MIOS: variants seen among roughly 807,000 people sequenced by gnomAD.
MIOS encodes GATOR2 complex protein MIOS.
In MIOS, 52 loss-of-function variants were observed where a neutral mutation model predicts 96.9. The ratio of observed to expected loss-of-function variants is 0.54; its 90% CI spans 0.43 to 0.68. The LOEUF (loss-of-function observed/expected upper bound fraction) is 0.68. MIOS is among the 30% of genes least tolerant of loss of function. The pLI is 0.00. For synonymous variants in MIOS, 397 were observed against 359.5 expected (o/e 1.10, Z -1.18); for missense variants, 1,005 against 1,052.8 (o/e 0.95, Z 0.63).
At chr7:7,598,925 A>G (rs1353949730) in intron 11 of MIOS, among the ~76,000 whole-genome samples, 2 of 152,056 alleles carry the variant, frequency 1.3e-5, no homozygotes, top group Non-Finnish European at 2.9e-5. Flanking sequence ...CATATTTGCT[A>G]CAGAAATAAT....
intron 9 of MIOS, among the ~76,000 whole-genome samples, chr7:7,593,879 C>CAAAAAAAAAAAAAAAAAAAA (rs35986278): frequency 4.2e-5 from 2 of 47,862 alleles, no homozygotes; most frequent in Non-Finnish European, 8.9e-5. Context: ...ACTCTGTCTC[C>CAAAAAAAAAAAAAAAAAAAA]AAAAAAAAAA....
chr7:7,598,581 G>T (rs964314072), intron 11 of MIOS, among the ~76,000 whole-genome samples: 2 of 148,428 alleles, frequency 1.3e-5, no homozygotes, highest in Admixed American at 1.3e-4. Flanking sequence ...AACAATGAGA[G>T]CTCGAGGTAA....
At chr7:7,575,755 C>T (rs978716437) in intron 5 of MIOS, among the ~76,000 whole-genome samples, 1 of 152,110 alleles carries the variant, frequency 6.6e-6, no homozygotes, top group Non-Finnish European at 1.5e-5. Context: ...GTTTATGTTT[C>T]TGGTGCACTA....
At chr7:7,595,231 T>C in intron 10 of MIOS, 99 bp downstream of exon 10, 1 of 1,270,810 alleles carries the variant, frequency 7.9e-7, no homozygotes, top group Non-Finnish European at 1.1e-6. Context: ...TGAGTTCCCA[T>C]TGATGTCTTT....
intron 7 of MIOS, 49 bp from the exon 8 acceptor site, chr7:7,588,449 A>G: frequency 8.1e-7 from 1 of 1,239,080 alleles, no homozygotes; most frequent in Non-Finnish European, 1.1e-6. Context: ...GCAAAAATTT[A>G]AAACCAGTGC....
At chr7:7,593,091 C>G (rs1428119540) in intron 9 of MIOS, among the ~76,000 whole-genome samples, 1 of 152,132 alleles carries the variant, frequency 6.6e-6, no homozygotes, top group East Asian at 1.9e-4. Flanking sequence ...TGACCAAATT[C>G]TTACTTAGTT....
intron 11 of MIOS, among the ~76,000 whole-genome samples, chr7:7,599,468 G>A (rs1054791794): frequency 1.3e-5 from 2 of 152,162 alleles, no homozygotes; most frequent in Non-Finnish European, 2.9e-5. Context: ...CTATCTGAAG[G>A]ATATCTGGAA....
chr7:7,594,051 G>A (rs923553432), intron 9 of MIOS, among the ~76,000 whole-genome samples: 3 of 152,068 alleles, frequency 2.0e-5, no homozygotes, highest in East Asian at 1.9e-4. Flanking sequence ...ACTAAAACAA[G>A]GTGTTGCTTT....
At chr7:7,586,139 A>G (rs182352084) in intron 7 of MIOS, among the ~76,000 whole-genome samples, 34 of 151,466 alleles carry the variant, frequency 2.2e-4, no homozygotes, top group African/African-American at 7.5e-4. Context: ...CGCTGTTTAC[A>G]CTGTGCACAC....
chr7:7,579,902 C>G (rs1422437795), intron 5 of MIOS, among the ~76,000 whole-genome samples: 1 of 152,198 alleles, frequency 6.6e-6, no homozygotes, highest in Non-Finnish European at 1.5e-5. Flanking sequence ...TGTATCCCTA[C>G]TGTTAATCAA....
intron 9 of MIOS, among the ~76,000 whole-genome samples, chr7:7,590,262 T>C (rs1460844500): frequency 6.6e-6 from 1 of 152,172 alleles, no homozygotes; most frequent in Admixed American, 6.5e-5. Context: ...CTGCACCTTC[T>C]TGTGCATATA....
intron 6 of MIOS, among the ~76,000 whole-genome samples, chr7:7,584,399 G>T (rs1051759625): frequency 1.4e-4 from 22 of 152,074 alleles, no homozygotes; most frequent in African/African-American, 5.1e-4. Context: ...TTTGGTGGTC[G>T]ATTTAAACAC....
chr7:7,602,629 C>G (rs1020583278), intron 11 of MIOS, among the ~76,000 whole-genome samples: 3 of 152,144 alleles, frequency 2.0e-5, no homozygotes, highest in Non-Finnish European at 2.9e-5. Flanking sequence ...GAATCAATAT[C>G]ATGAAAATGG....
At chr7:7,584,535 C>G (rs1284474564) in intron 6 of MIOS, among the ~76,000 whole-genome samples, 1 of 152,036 alleles carries the variant, frequency 6.6e-6, no homozygotes, top group Non-Finnish European at 1.5e-5. Flanking sequence ...AAAGATACTT[C>G]TTTGCTATTT....
chr7:7,584,379 A>C (rs1400941599), intron 6 of MIOS, among the ~76,000 whole-genome samples: 1 of 152,142 alleles, frequency 6.6e-6, no homozygotes, highest in African/African-American at 2.4e-5. Context: ...TATCTTGTGT[A>C]CCTGGGAAAT....
At position 7,572,563 on chromosome 7, in the gene MIOS, G is replaced by A; in HGVS notation, c.88G>A (p.Val30Met). Residue 30 changes from valine (V) to methionine (M), a missense_variant, in exon 4 of 13, where the codon GTG becomes ATG. By Grantham distance (21) the Val-to-Met change is conservative (BLOSUM62 1). This residue lies in a region of MIOS where 137 missense variants were observed against 148.6 expected (regional missense o/e 0.92). Coordinates refer to ENST00000340080, the MANE Select transcript of MIOS (RefSeq NM_019005.4). The surrounding 1 kb of genome is among the most constrained non-coding windows in gnomAD (Gnocchi z 4.8). ...VCDSELSLYH[V>M]ESTVNSELKA... Reference sequence around the variant, plus strand: ...TGACTCAGAACTAAGTCTTTATCATGTGGAATCTACTGTGAATTCAGAACT... The same window carrying A: ...TGACTCAGAACTAAGTCTTTATCATATGGAATCTACTGTGAATTCAGAACT... The A allele has an allele frequency of 6.2e-7, 1 of 1,614,068 alleles. No individual in the cohort carries two copies. Among genetic ancestry groups the A allele is most frequent in the Non-Finnish European group, 8.5e-7 (1 of 1,179,948 alleles).
intron 7 of MIOS, 31 bp downstream of exon 7, chr7:7,585,836 T>C (rs1195829772): frequency 6.4e-7 from 1 of 1,559,136 alleles, no homozygotes; most frequent in African/African-American, 1.4e-5. Context: ...AGATCTTCCT[T>C]TGAATTAAGA....
At position 7,592,644 on chromosome 7, in the gene MIOS, C is replaced by T. The variant is rs111514902; in HGVS notation, c.2044-2336C>T. Among the ~76,000 whole-genome samples the T allele has an allele frequency of 3.4e-3, 516 of 152,048 alleles. 9 individuals are homozygous for T. Among genetic ancestry groups the T allele is most frequent in the African/African-American group, 0.011 (448 of 41,466 alleles). ...GGGATGATGGGAGACATTGACAGAT[C>T]ATCAGGCATTAGATTCTCATAAGGA... is the stretch of plus-strand genomic sequence containing the variant. On this transcript the variant is annotated intron_variant, in intron 9 of 12. Coordinates refer to ENST00000340080, the MANE Select transcript of MIOS (RefSeq NM_019005.4).
rs755293797 is a variant in MIOS at position 7,605,953 on chromosome 7, T to C, written c.2413T>C (p.Ser805Pro). 4.2e-5 allele frequency: 67 copies of C among 1,613,368 alleles called. No homozygotes were observed. The highest frequency in any genetic ancestry group is 5.3e-5 in the Non-Finnish European group (63 of 1,179,572). ...TTATTTTGTCATAGGAGGAACCAAA[T>C]CAGATGAAAAAGTGGACTTGAGCAA... ...PVSSCPGGTK[S>P]DEKVDLSKDK... is the part of the protein sequence containing the mutation. The change falls in exon 12 of 13, where the codon TCA (serine) becomes CCA (proline). Residue 805 changes from serine (S) to proline (P), a missense_variant. Physicochemically the swap from Ser to Pro is moderately conservative, Grantham distance 74. This residue lies in a region of MIOS where 865 missense variants were observed against 887.9 expected (regional missense o/e 0.97). Transcript: ENST00000340080.
Sources: gnomAD v4.1 joint callset for allele counts (sites outside exome capture counted in the v4.1 genomes callset) on GRCh38, gnomAD v4.1.1 for gene constraint, gnomAD v4.1.1 regional missense constraint, Gnocchi (gnomAD v3.1) non-coding constraint, MANE v1.5 for transcripts, NCBI Gene and HGNC (gene_info 2026-07-23, HGNC 2026-07-21) for gene names.